TTLL7: variants seen among roughly 807,000 people sequenced by gnomAD.
The protein encoded by TTLL7 is tubulin tyrosine ligase like 7, also known as tubulin polyglutamylase TTLL7.
Under a neutral mutation model 120.2 loss-of-function variants are expected in TTLL7, and 53 were observed. The observed-to-expected ratio is 0.44, with a 90% CI of 0.35 to 0.55. TTLL7 has a LOEUF of 0.55. Ranked by LOEUF, TTLL7 falls within the 20% of genes least tolerant of loss-of-function variation. The pLI is 0.00. For missense variants in TTLL7, 803 were observed against 1,054.7 expected (o/e 0.76, Z 3.31); for synonymous variants, 353 against 351.7 (o/e 1.00, Z -0.04).
intron 1 of TTLL7, among the ~76,000 whole-genome samples, chr1:83,982,938 G>T (rs1016508030): frequency 1.3e-5 from 2 of 152,104 alleles, no homozygotes; most frequent in African/African-American, 4.8e-5. Flanking sequence ...CATGGTAATG[G>T]TAGAAAAACA....
At chr1:83,894,943 C>A (rs1364540159) in intron 18 of TTLL7, among the ~76,000 whole-genome samples, 1 of 152,030 alleles carries the variant, frequency 6.6e-6, no homozygotes, top group African/African-American at 2.4e-5. Flanking sequence ...GAACAACAGA[C>A]TGAGGGAACA....
intron 1 of TTLL7, among the ~76,000 whole-genome samples, chr1:83,959,616 C>T (rs1649840326): frequency 6.6e-6 from 1 of 152,160 alleles, no homozygotes; most frequent in Non-Finnish European, 1.5e-5. Context: ...CCGATGCTCA[C>T]TAACCAACAC....
chr1:83,998,650 C>T (rs1190231637), intron 1 of TTLL7, among the ~76,000 whole-genome samples: 1 of 145,606 alleles, frequency 6.9e-6, no homozygotes, highest in African/African-American at 2.5e-5. Flanking sequence ...GCCCGAGTCT[C>T]CCATCTGGAG....
At chr1:83,895,712 T>C (rs1047525375) in intron 18 of TTLL7, among the ~76,000 whole-genome samples, 1 of 152,080 alleles carries the variant, frequency 6.6e-6, no homozygotes, top group African/African-American at 2.4e-5. Context: ...TTGCCCAAGA[T>C]TACCCAGCTC....
intron 1 of TTLL7, among the ~76,000 whole-genome samples, chr1:83,962,694 G>A (rs1650115695): frequency 6.6e-6 from 1 of 152,096 alleles, no homozygotes; most frequent in Admixed American, 6.6e-5. Context: ...AGTGTAAGCA[G>A]AAGTTGTTGA....
At chr1:83,965,051 T>C (rs143557399) in intron 1 of TTLL7, among the ~76,000 whole-genome samples, 42 of 152,128 alleles carry the variant, frequency 2.8e-4, no homozygotes, top group South Asian at 1.7e-3. Flanking sequence ...TTGGTGAGCA[T>C]GCCACGTTGC....
rs1649073338 is a variant in TTLL7, at chr1:83,951,735, C to T, written c.157+110G>A. 2.4e-6 allele frequency: 3 copies of T among 1,229,248 alleles called. No homozygotes were observed. The Admixed American group carries it at 7.9e-5, about 32-fold the overall frequency. The allele number at this position is 1,229,248 out of a possible 1,614,324, so 76.1% of individuals were successfully genotyped here. ...AATTTTATAGAAGGCATTTAAAAAT[C>T]CATTATATAAAAGATAAGTTATCTC... On this transcript the variant is annotated intron_variant, in intron 3 of 20. Transcript: ENST00000260505.
At chr1:83,976,370 ATATTT>A (rs1651489186) in intron 1 of TTLL7, among the ~76,000 whole-genome samples, 1 of 151,988 alleles carries the variant, frequency 6.6e-6, no homozygotes, top group African/African-American at 2.4e-5. Flanking sequence ...ATTATATCAT[ATATTT>A]TAAAGTGTTT....
chr1:83,959,151 C>T (rs1649796787), intron 1 of TTLL7, among the ~76,000 whole-genome samples: 1 of 152,188 alleles, frequency 6.6e-6, no homozygotes, highest in African/African-American at 2.4e-5. Flanking sequence ...GTATCATCTG[C>T]AAACTTCTTA....
chr1:83,926,675 AGCATTAAAT>A (rs1385603880), intron 10 of TTLL7, among the ~76,000 whole-genome samples: 1 of 152,226 alleles, frequency 6.6e-6, no homozygotes, highest in African/African-American at 2.4e-5. Context: ...ATGGTAGGGT[AGCATTAAAT>A]GCTCATGCTG....
rs901846784 is a variant in TTLL7, at chr1:83,951,956, G to C, written c.46C>G (p.Leu16Val). The change falls in exon 3 of 21, where the codon CTG becomes GTG. Residue 16 changes from leucine (L) to valine (V), a missense_variant. Transcript: ENST00000260505. Reference protein sequence around the residue: ...QEGVIQGPSPLDLNTELPYQS... With the variant: ...QEGVIQGPSPVDLNTELPYQS... ...TAAGGTAATTCTGTATTCAAATCCA[G>C]GGGAGAGGGTCCCTGAATAACTTTA... is the stretch of plus-strand genomic sequence containing the variant. The C allele has an allele frequency of 7.5e-6, 12 of 1,608,006 alleles. No individual in the cohort carries two copies. Among genetic ancestry groups the C allele is most frequent in the Non-Finnish European group, 1.0e-5 (12 of 1,178,460 alleles).
At chr1:83,982,722 C>T (rs1190566561) in intron 1 of TTLL7, among the ~76,000 whole-genome samples, 1 of 152,180 alleles carries the variant, frequency 6.6e-6, no homozygotes, top group African/African-American at 2.4e-5. Context: ...AATGGCCACA[C>T]TGCCCAAAGT....
intron 19 of TTLL7, among the ~76,000 whole-genome samples, chr1:83,887,009 C>G (rs1015391886): frequency 3.9e-5 from 6 of 151,990 alleles, no homozygotes; most frequent in Admixed American, 1.3e-4. Context: ...TGTGATAAAA[C>G]TGTTACTGGG....
At chr1:83,908,917 T>C (rs2100766664) in intron 15 of TTLL7, among the ~76,000 whole-genome samples, 1 of 152,134 alleles carries the variant, frequency 6.6e-6, no homozygotes, top group Non-Finnish European at 1.5e-5. Context: ...TTATTTAAGC[T>C]ATAAAAGATT....
chr1:83,929,282 T>C, intron 9 of TTLL7, 52 bp from the exon 10 acceptor site: 1 of 1,369,288 alleles, frequency 7.3e-7, no homozygotes, highest in Non-Finnish European at 1.0e-6. Context: ...ATTCAATACA[T>C]ATTTGTTAAT....
intron 3 of TTLL7, among the ~76,000 whole-genome samples, chr1:83,950,789 T>A (rs1054725348): frequency 9.1e-4 from 138 of 152,220 alleles, no homozygotes; most frequent in African/African-American, 3.2e-3. Context: ...GGAATATTCC[T>A]CTCTCATCTG....
At chr1:83,940,960 G>C (rs370361299) in intron 7 of TTLL7, among the ~76,000 whole-genome samples, 1 of 152,000 alleles carries the variant, frequency 6.6e-6, no homozygotes, top group East Asian at 1.9e-4. Flanking sequence ...CTGGTTTCTA[G>C]GACTCACCAT....
chr1:83,987,400 G>C (rs572888236), intron 1 of TTLL7, among the ~76,000 whole-genome samples: 90 of 152,148 alleles, frequency 5.9e-4, no homozygotes, highest in Non-Finnish European at 1.0e-3. Context: ...CAACGTATAG[G>C]TTTAACACAA....
chr1:83,911,296 C>G lies in TTLL7; in HGVS notation c.1655G>C (p.Ser552Thr), dbSNP rs1657654356. 6 of 1,613,762 alleles carry G rather than the reference C, an allele frequency of 3.7e-6. No homozygotes were observed. The highest frequency in any genetic ancestry group is 5.1e-6 in the Non-Finnish European group (6 of 1,179,810). The change falls in exon 15 of 21, where the codon AGT (serine) becomes ACT (threonine). Residue 552 changes from serine (S) to threonine (T), a missense_variant. Physicochemically the swap from Ser to Thr is moderately conservative, Grantham distance 58 (BLOSUM62 1). Transcript: ENST00000260505. Reference protein sequence around the residue: ...KRPKYCSSDSSYDSSSSSSES... With the variant: ...KRPKYCSSDSTYDSSSSSSES... ...TGAAGAGCTGCTGCTACTATCATAA[C>G]TGCTGTCACTGCTGCAGTACTTTGG...
Sources: gnomAD v4.1 joint callset for allele counts (sites outside exome capture counted in the v4.1 genomes callset) on GRCh38, gnomAD v4.1.1 for gene constraint, MANE v1.5 for transcripts, NCBI Gene and HGNC (gene_info 2026-07-23, HGNC 2026-07-21) for gene names.